The following DPP10 variants were observed in gnomAD, a reference collection of about 807,000 sequenced individuals.
DPP10 encodes dipeptidyl peptidase like 10, also known as inactive dipeptidyl peptidase 10.
Under a neutral mutation model 120.9 loss-of-function variants are expected in DPP10, and 33 were observed. The observed-to-expected ratio is 0.27, with a 90% CI of 0.21 to 0.37. The LOEUF (loss-of-function observed/expected upper bound fraction) is 0.37, where lower values mean the gene tolerates loss of function less well. Ranked by LOEUF, DPP10 falls within the 10% of genes least tolerant of loss-of-function variation. DPP10 has a pLI of 1.00. For missense variants in DPP10, 816 were observed against 942.8 expected, an observed-to-expected ratio of 0.87 and a Z score of 1.76; for synonymous variants, 337 against 326.1, an observed-to-expected ratio of 1.03 and a Z score of -0.36.
intron 1 of DPP10, among the ~76,000 whole-genome samples, chr2:114,820,736 C>A (rs1264113936): frequency 6.6e-6 from 1 of 152,168 alleles, no homozygotes; most frequent in Admixed American, 6.5e-5. Flanking sequence ...GGGGGAACTG[C>A]CCCCGTAATC....
chr2:115,642,469 T>G (rs1575419727), intron 5 of DPP10, among the ~76,000 whole-genome samples: 1 of 152,192 alleles, frequency 6.6e-6, no homozygotes, highest in Non-Finnish European at 1.5e-5. Context: ...TGAACTGCAA[T>G]TCTTTTCCGC....
At chr2:115,684,597 G>T (rs549030683) in intron 5 of DPP10, among the ~76,000 whole-genome samples, 1 of 151,850 alleles carries the variant, frequency 6.6e-6, no homozygotes, top group South Asian at 2.1e-4. Context: ...CCATGAAAAT[G>T]AATGCTATTT....
At chr2:115,065,178 T>C (rs17452616) in intron 1 of DPP10, among the ~76,000 whole-genome samples, 72,531 of 152,016 alleles carry the variant, frequency 0.48, 17,816 homozygotes, top group South Asian at 0.61. Context: ...TTTTAAATTC[T>C]GGAGAAATCT....
intron 1 of DPP10, among the ~76,000 whole-genome samples, chr2:114,790,694 G>C (rs1242403559): frequency 6.6e-6 from 1 of 152,042 alleles, no homozygotes; most frequent in African/African-American, 2.4e-5. Flanking sequence ...GCTCAGTGGG[G>C]GTGCTTTTTG....
In DPP10 at chr2:115,005,274, G is replaced by A. The variant is rs186696158; in HGVS notation, c.61-303965G>A. Among the ~76,000 whole-genome samples, 652 of 152,214 alleles carry A rather than the reference G, an allele frequency of 4.3e-3. 2 individuals carry two copies. The highest frequency in any genetic ancestry group is 0.015 in the African/African-American group (621 of 41,536). ...AAACCACAAAGATGGGGAAAAAACC[G>A]AACAGAAAAACTGGAAACTCTAAAA... is the stretch of plus-strand genomic sequence containing the variant. On this transcript the variant is annotated intron_variant, in intron 1 of 25. Transcript: ENST00000410059.
chr2:115,815,876 T>A, intron 21 of DPP10, 147 bp downstream of exon 21: 1 of 772,834 alleles, frequency 1.3e-6, no homozygotes, highest in Non-Finnish European at 2.2e-6. Flanking sequence ...AACCTCACTG[T>A]AGCAAGATTT....
intron 1 of DPP10, among the ~76,000 whole-genome samples, chr2:115,147,801 TA>T (rs1290924896): frequency 6.6e-6 from 1 of 152,162 alleles, no homozygotes; most frequent in Non-Finnish European, 1.5e-5. Flanking sequence ...TTGAGGAATC[TA>T]AATAAACTTG....
At chr2:114,657,944 C>G (rs1697086817) in intron 1 of DPP10, among the ~76,000 whole-genome samples, 1 of 152,124 alleles carries the variant, frequency 6.6e-6, no homozygotes, top group Non-Finnish European at 1.5e-5. Flanking sequence ...CCAACCTACG[C>G]ATGTGTATAA....
intron 1 of DPP10, among the ~76,000 whole-genome samples, chr2:114,490,954 G>T (rs531408499): frequency 2.1e-4 from 32 of 152,262 alleles, no homozygotes; most frequent in African/African-American, 7.7e-4. Context: ...GTTGAATCCT[G>T]TTATAAAACA....
At chr2:115,469,522 A>G (rs534043498) in intron 3 of DPP10, among the ~76,000 whole-genome samples, 6 of 152,306 alleles carry the variant, frequency 3.9e-5, no homozygotes, top group African/African-American at 1.4e-4. Context: ...ATATCTGTTT[A>G]AAGAATCAAT....
chr2:115,781,902 C>T (rs1183131383), intron 16 of DPP10, among the ~76,000 whole-genome samples: 2 of 151,930 alleles, frequency 1.3e-5, no homozygotes, highest in African/African-American at 4.8e-5. Flanking sequence ...AGTTACCACC[C>T]AATTTTAAAC....
chr2:115,144,093 T>C (rs1371959520), intron 1 of DPP10: 1 of 152,184 alleles, frequency 6.6e-6, no homozygotes, highest in East Asian at 1.9e-4. Context: ...CAGTGAAAGA[T>C]TTAAACATAA....
intron 1 of DPP10, among the ~76,000 whole-genome samples, chr2:114,819,605 C>A (rs893094712): frequency 1.3e-5 from 2 of 152,302 alleles, no homozygotes; most frequent in Non-Finnish European, 2.9e-5. Flanking sequence ...TGTTTAAAGC[C>A]TGCGTAAAAA....
intron 2 of DPP10, among the ~76,000 whole-genome samples, chr2:115,327,575 C>T (rs1232612490): frequency 6.6e-6 from 1 of 151,986 alleles, no homozygotes; most frequent in East Asian, 1.9e-4. Context: ...CTGTCAGACA[C>T]TTAAATCTGA....
At chr2:115,318,285 T>C (rs1396486630) in intron 2 of DPP10, among the ~76,000 whole-genome samples, 1 of 152,174 alleles carries the variant, frequency 6.6e-6, no homozygotes, top group Non-Finnish European at 1.5e-5. Context: ...TTCATTCATC[T>C]CTATATCTGT....
chr2:115,246,140 A>G (rs868833281), intron 1 of DPP10, among the ~76,000 whole-genome samples: 26 of 152,228 alleles, frequency 1.7e-4, no homozygotes, highest in Middle Eastern at 3.4e-3. Flanking sequence ...CTCTCACTGT[A>G]TACTTTTTTG....
intron 1 of DPP10, among the ~76,000 whole-genome samples, chr2:114,926,058 T>G (rs746353524): frequency 1.2e-4 from 18 of 152,310 alleles, no homozygotes; most frequent in Non-Finnish European, 2.2e-4. Flanking sequence ...GTGTGTGGTA[T>G]AATAGAGATA....
intron 7 of DPP10, among the ~76,000 whole-genome samples, chr2:115,725,834 G>A (rs1388306945): frequency 6.6e-6 from 1 of 152,266 alleles, no homozygotes; most frequent in Non-Finnish European, 1.5e-5. Flanking sequence ...GTGCACCTGT[G>A]TTGTATACTG....
chr2:115,270,182 G>T (rs2059638919), intron 1 of DPP10, among the ~76,000 whole-genome samples: 1 of 151,336 alleles, frequency 6.6e-6, no homozygotes, highest in African/African-American at 2.4e-5. Flanking sequence ...TGTCTGTTCT[G>T]CCAAGATAGT....
Sources: gnomAD v4.1 joint callset for allele counts (sites outside exome capture counted in the v4.1 genomes callset) on GRCh38, gnomAD v4.1.1 for gene constraint, MANE v1.5 for transcripts, NCBI Gene and HGNC (gene_info 2026-07-23, HGNC 2026-07-21) for gene names.